The following KLF12 variants were observed in gnomAD, a reference collection of about 807,000 sequenced individuals.
The protein encoded by KLF12 is Krueppel-like factor 12.
KLF12 carries 9 observed loss-of-function variants against 37.8 expected under a neutral mutation model. The observed-to-expected ratio is 0.24, with a 90% CI of 0.14 to 0.42. The LOEUF is 0.42. Ranked by LOEUF, KLF12 falls within the 10% of genes least tolerant of loss-of-function variation. The pLI, the probability that KLF12 is intolerant of heterozygous loss-of-function variation, is 1.00. For synonymous variants in KLF12, 208 were observed against 202.1 expected, an observed-to-expected ratio of 1.03 and a Z score of -0.25; for missense variants, 411 against 516.0, an observed-to-expected ratio of 0.80 and a Z score of 1.97.
intron 4 of KLF12, among the ~76,000 whole-genome samples, chr13:73,820,644 C>T (rs960564036): frequency 6.6e-6 from 1 of 152,186 alleles, no homozygotes; most frequent in African/African-American, 2.4e-5. Flanking sequence ...TTATGTAAAT[C>T]TTGGGATGTT....
At chr13:74,150,322 T>C in the KLF12 span, among the ~76,000 whole-genome samples, 6 of 152,194 alleles carry the variant, frequency 3.9e-5, no homozygotes, top group African/African-American at 1.4e-4. Context: ...TAGTCTCCCT[T>C]ATCTGAGGGG....
At chr13:73,925,591 T>C (rs568206042) in intron 3 of KLF12, among the ~76,000 whole-genome samples, 18 of 152,306 alleles carry the variant, frequency 1.2e-4, no homozygotes, top group African/African-American at 3.6e-4. Flanking sequence ...TGCTAACACA[T>C]CCATTCTGCA....
the KLF12 span, among the ~76,000 whole-genome samples, chr13:74,140,849 C>G: frequency 2.6e-5 from 4 of 152,100 alleles, no homozygotes; most frequent in Non-Finnish European, 5.9e-5. Flanking sequence ...ATCAGGAGAT[C>G]GAGACCATCC....
the KLF12 span, among the ~76,000 whole-genome samples, chr13:74,206,548 A>G: frequency 6.6e-6 from 1 of 152,070 alleles, no homozygotes; most frequent in Non-Finnish European, 1.5e-5. Flanking sequence ...CACCCCCAGG[A>G]AATTGGGTAA....
intron 6 of KLF12, among the ~76,000 whole-genome samples, chr13:73,761,757 C>T (rs528240317): frequency 3.9e-5 from 6 of 152,174 alleles, no homozygotes; most frequent in African/African-American, 1.2e-4. Context: ...TACAGGGCCC[C>T]AGCCAATAAA....
At chr13:74,129,716 C>T (rs1878157841) in intron 1 of KLF12, among the ~76,000 whole-genome samples, 1 of 151,184 alleles carries the variant, frequency 6.6e-6, no homozygotes, top group Non-Finnish European at 1.5e-5. Flanking sequence ...GGAAGAAAGA[C>T]CATACCAGAG....
At chr13:74,029,128 A>G (rs1893052120) in intron 1 of KLF12, among the ~76,000 whole-genome samples, 1 of 152,118 alleles carries the variant, frequency 6.6e-6, no homozygotes, top group South Asian at 2.1e-4. Context: ...CATGGAGGAT[A>G]TCTAATCAAT....
intron 5 of KLF12, among the ~76,000 whole-genome samples, chr13:73,794,858 T>C (rs1402499245): frequency 6.6e-6 from 1 of 152,128 alleles, no homozygotes; most frequent in Non-Finnish European, 1.5e-5. Flanking sequence ...GCCCACAAAA[T>C]AAAGAAGCCA....
intron 1 of KLF12, among the ~76,000 whole-genome samples, chr13:74,091,507 A>T (rs1258401565): frequency 1.3e-5 from 2 of 152,146 alleles, no homozygotes; most frequent in Non-Finnish European, 2.9e-5. Flanking sequence ...ATGGCTTAAT[A>T]TTTCATTTCT....
intron 3 of KLF12, among the ~76,000 whole-genome samples, chr13:73,875,140 A>G (rs1452728556): frequency 9.3e-6 from 1 of 107,598 alleles, no homozygotes; most frequent in Non-Finnish European, 1.9e-5. Flanking sequence ...CTAAAAAAAA[A>G]AGAACTTGAA....
intron 4 of KLF12, among the ~76,000 whole-genome samples, chr13:73,824,316 G>C (rs1883709632): frequency 6.6e-6 from 1 of 152,130 alleles, no homozygotes; most frequent in African/African-American, 2.4e-5. Flanking sequence ...CCGGTGCATA[G>C]GATTCTAACT....
intron 3 of KLF12, among the ~76,000 whole-genome samples, chr13:73,865,584 T>C (rs565411128): frequency 6.6e-6 from 1 of 152,260 alleles, no homozygotes; most frequent in Admixed American, 6.5e-5. Flanking sequence ...TCACTTAAAT[T>C]ACAAAATATT....
At chr13:74,241,771 C>A in the KLF12 span, among the ~76,000 whole-genome samples, 1 of 152,340 alleles carries the variant, frequency 6.6e-6, no homozygotes, top group South Asian at 2.1e-4. Flanking sequence ...TGACCCCTTC[C>A]CAAGTGAGGC....
intron 3 of KLF12, among the ~76,000 whole-genome samples, chr13:73,866,128 C>T (rs1366380588): frequency 1.3e-5 from 2 of 151,940 alleles, no homozygotes; most frequent in Admixed American, 6.6e-5. Context: ...TGGTGGTGGG[C>T]GCCTGTAATC....
chr13:74,108,630 T>C (rs559170940), intron 1 of KLF12, among the ~76,000 whole-genome samples: 204 of 152,308 alleles, frequency 1.3e-3, no homozygotes, highest in Middle Eastern at 3.4e-3. Flanking sequence ...ACTGATGACA[T>C]AAACACTTGA....
At chr13:74,137,702 G>A (rs1351198506), upstream of KLF12, among the ~76,000 whole-genome samples, 1 of 152,066 alleles carries the variant, frequency 6.6e-6, no homozygotes, top group Non-Finnish European at 1.5e-5. Context: ...AACCAGTGGT[G>A]ATACTGTCTT....
chr13:74,293,598 C>T, the KLF12 span, among the ~76,000 whole-genome samples: 21 of 152,268 alleles, frequency 1.4e-4, no homozygotes, highest in African/African-American at 5.1e-4. Context: ...AATAGATTCT[C>T]TTCTGGATTT....
At chr13:73,812,428 T>A (rs1882989719) in intron 5 of KLF12, among the ~76,000 whole-genome samples, 1 of 59,488 alleles carries the variant, frequency 1.7e-5, no homozygotes, top group Admixed American at 1.4e-4. Context: ...ATTAATTAAC[T>A]TAATTGTGGT....
intron 5 of KLF12, among the ~76,000 whole-genome samples, chr13:73,796,451 G>T (rs1323122538): frequency 6.6e-6 from 1 of 151,018 alleles, no homozygotes; most frequent in Non-Finnish European, 1.5e-5. Context: ...TTTTCGTGGT[G>T]CTTCTCTAAG....
Sources: gnomAD v4.1 joint callset for allele counts (sites outside exome capture counted in the v4.1 genomes callset) on GRCh38, gnomAD v4.1.1 for gene constraint, MANE v1.5 for transcripts, NCBI Gene and HGNC (gene_info 2026-07-23, HGNC 2026-07-21) for gene names.